RBFOX1: variants seen among roughly 807,000 people sequenced by gnomAD.
RBFOX1 encodes RNA binding fox-1 homolog 1.
Under a neutral mutation model 57.7 loss-of-function variants are expected in RBFOX1, and 8 were observed. That is an observed-to-expected ratio of 0.14 (90% CI 0.08 to 0.25). The LOEUF is 0.25. Ranked by LOEUF, RBFOX1 falls within the 10% of genes least tolerant of loss-of-function variation. The pLI is 1.00. For missense variants in RBFOX1, 611 were observed against 548.5 expected, an observed-to-expected ratio of 1.11 and a Z score of -1.14; for synonymous variants, 326 against 222.4, an observed-to-expected ratio of 1.47 and a Z score of -4.15.
chr16:6,775,184 A>T (rs1438161173), intron 3 of RBFOX1, among the ~76,000 whole-genome samples: 1 of 151,250 alleles, frequency 6.6e-6, no homozygotes, highest in Non-Finnish European at 1.5e-5. Flanking sequence ...AAAAAAAAAA[A>T]AAGTTAGCCT....
intron 3 of RBFOX1, among the ~76,000 whole-genome samples, chr16:6,946,332 C>T (rs74393459): frequency 1.3e-5 from 2 of 152,170 alleles, no homozygotes; most frequent in South Asian, 2.1e-4. Flanking sequence ...CAAAAATAGT[C>T]AGTGGGCCAG....
At chr16:6,246,495 C>T (rs766113790) in intron 1 of RBFOX1, among the ~76,000 whole-genome samples, 3 of 152,118 alleles carry the variant, frequency 2.0e-5, no homozygotes, top group Non-Finnish European at 4.4e-5. Context: ...TGGCTTTGAG[C>T]TCACCCATCA....
intron 4 of RBFOX1, among the ~76,000 whole-genome samples, chr16:7,306,679 T>G (rs1239422831): frequency 6.6e-6 from 1 of 152,120 alleles, no homozygotes; most frequent in East Asian, 1.9e-4. Flanking sequence ...TCATTCAGAA[T>G]TAGGTTTTCT....
chr16:7,001,400 G>GTATGTGTATATGTATATGTATATC (rs2092785560), intron 3 of RBFOX1, among the ~76,000 whole-genome samples: 1 of 83,524 alleles, frequency 1.2e-5, no homozygotes, highest in Non-Finnish European at 3.0e-5. Context: ...ATGTGTATTT[G>GTATGTGTATATGTATATGTATATC]TATATGTATA....
chr16:5,793,581 G>A (rs1274246423), intron 3 of RBFOX1, among the ~76,000 whole-genome samples: 2 of 152,114 alleles, frequency 1.3e-5, no homozygotes, highest in Admixed American at 6.5e-5. Context: ...CAGCCCCCAG[G>A]CCCCTCTCTT....
intron 3 of RBFOX1, among the ~76,000 whole-genome samples, chr16:6,952,701 G>C (rs929143261): frequency 1.3e-5 from 2 of 152,098 alleles, no homozygotes; most frequent in African/African-American, 4.8e-5. Flanking sequence ...GGTAGGGCCG[G>C]GCACGGTGGC....
At chr16:5,765,538 T>A (rs2053745985) in intron 3 of RBFOX1, among the ~76,000 whole-genome samples, 1 of 152,212 alleles carries the variant, frequency 6.6e-6, no homozygotes, top group African/African-American at 2.4e-5. Flanking sequence ...CATGGCTGAA[T>A]ACCTAGTGCC....
chr16:5,787,873 A>C (rs2054559124), intron 3 of RBFOX1, among the ~76,000 whole-genome samples: 1 of 152,252 alleles, frequency 6.6e-6, no homozygotes, highest in African/African-American at 2.4e-5. Flanking sequence ...GCAGTGTTCC[A>C]AGTCAACTAA....
chr16:5,969,873 C>G (rs566552519), intron 4 of RBFOX1, among the ~76,000 whole-genome samples: 5 of 152,058 alleles, frequency 3.3e-5, no homozygotes, highest in African/African-American at 1.2e-4. Context: ...CCAAGCAACT[C>G]TGACTGGTTA....
intron 1 of RBFOX1, among the ~76,000 whole-genome samples, chr16:5,417,278 C>G (rs996497318): frequency 6.6e-6 from 1 of 152,192 alleles, no homozygotes; most frequent in East Asian, 1.9e-4. Flanking sequence ...ATCAATGTGT[C>G]CGAACGTAAT....
At chr16:7,071,611 GTGTGTGTT>G (rs1466877562) in intron 4 of RBFOX1, among the ~76,000 whole-genome samples, 5 of 150,268 alleles carry the variant, frequency 3.3e-5, no homozygotes, top group African/African-American at 1.2e-4. Flanking sequence ...GTGTGTGTGT[GTGTGTGTT>G]TGTCTGTATA....
In RBFOX1 at chr16:7,468,939, A is replaced by AT. The variant is rs1374791287; in HGVS notation, c.28-49196dup. Among the ~76,000 whole-genome samples the AT allele has an allele frequency of 3.1e-3, 454 of 147,300 alleles. 2 individuals are homozygous for AT. The highest frequency in any genetic ancestry group is 0.013 in the East Asian group (66 of 4,994). ...GCCATGGTCCCAGCAAGGCTGAGTA[A>AT]TTTTTTTTTTTTGAGGCAGAGTCTC... On this transcript the variant is annotated intron_variant, in intron 4 of 15. Coordinates refer to ENST00000550418, the MANE Select transcript of RBFOX1 (RefSeq NM_018723.4).
chr16:6,837,428 G>A (rs2093179275), intron 3 of RBFOX1, among the ~76,000 whole-genome samples: 1 of 152,198 alleles, frequency 6.6e-6, no homozygotes, highest in Non-Finnish European at 1.5e-5. Context: ...TGATCACCCA[G>A]CCTCACCCAA....
At chr16:6,056,559 T>G (rs2095616961) in intron 1 of RBFOX1, among the ~76,000 whole-genome samples, 1 of 152,218 alleles carries the variant, frequency 6.6e-6, no homozygotes, top group Non-Finnish European at 1.5e-5. Flanking sequence ...TTGCCTGGCC[T>G]CATTCCTTTT....
intron 3 of RBFOX1, among the ~76,000 whole-genome samples, chr16:5,708,759 G>T (rs1166933414): frequency 6.6e-6 from 1 of 152,170 alleles, no homozygotes; most frequent in Non-Finnish European, 1.5e-5. Flanking sequence ...TATTCAAACT[G>T]AGCCTGGGAG....
At chr16:6,573,043 C>T (rs2097367355) in intron 2 of RBFOX1, among the ~76,000 whole-genome samples, 1 of 152,132 alleles carries the variant, frequency 6.6e-6, no homozygotes, top group African/African-American at 2.4e-5. Context: ...CTCAATTCTC[C>T]TACAGACTCA....
intron 3 of RBFOX1, among the ~76,000 whole-genome samples, chr16:6,950,224 C>G (rs989462458): frequency 2.0e-5 from 3 of 151,670 alleles, no homozygotes; most frequent in African/African-American, 4.9e-5. Context: ...TCCCAAAGCG[C>G]CGGGATTACA....
intron 3 of RBFOX1, among the ~76,000 whole-genome samples, chr16:5,623,902 G>T (rs1367688872): frequency 8.5e-5 from 13 of 152,190 alleles, no homozygotes; most frequent in Non-Finnish European, 7.3e-5. Flanking sequence ...ATACGATTCA[G>T]TGGTTTTTTA....
At chr16:6,967,435 G>A (rs2084517578) in intron 3 of RBFOX1, among the ~76,000 whole-genome samples, 1 of 152,166 alleles carries the variant, frequency 6.6e-6, no homozygotes, top group Admixed American at 6.5e-5. Context: ...AAAAAGTAAT[G>A]ACATTTGGAG....
Sources: gnomAD v4.1 joint callset for allele counts (sites outside exome capture counted in the v4.1 genomes callset) on GRCh38, gnomAD v4.1.1 for gene constraint, MANE v1.5 for transcripts, NCBI Gene and HGNC (gene_info 2026-07-23, HGNC 2026-07-21) for gene names.